IARS1: variants seen among roughly 807,000 people sequenced by gnomAD.
IARS1 encodes the protein isoleucine--tRNA ligase, cytoplasmic.
IARS1 carries 124 observed loss-of-function variants against 168.2 expected under a neutral mutation model. The observed-to-expected ratio is 0.74, with a 90% confidence interval of 0.64 to 0.86. The LOEUF is 0.86. Ranked by LOEUF, IARS1 falls within the 40% of genes least tolerant of loss-of-function variation. IARS1 has a pLI of 0.00. For synonymous variants in IARS1, 532 were observed against 529.4 expected, an observed-to-expected ratio of 1.00 and a Z score of -0.07; for missense variants, 1,452 against 1,515.8, an observed-to-expected ratio of 0.96 and a Z score of 0.70.
intron 26 of IARS1, among the ~76,000 whole-genome samples, 171 bp downstream of exon 26, chr9:92,247,206 G>C (rs1181720103): frequency 6.6e-6 from 1 of 151,944 alleles, no homozygotes; most frequent in Non-Finnish European, 1.5e-5. Context: ...AAAGAGAAGA[G>C]AGAAGAGAGA....
chr9:92,283,384 T>G (rs1019684359), intron 6 of IARS1, among the ~76,000 whole-genome samples: 9 of 152,178 alleles, frequency 5.9e-5, no homozygotes, highest in African/African-American at 2.2e-4. Flanking sequence ...CTCACGCCTG[T>G]AAAAATACCC....
In IARS1 at chr9:92,241,508, G is replaced by T. The variant is rs1828392605; in HGVS notation, c.3178-547C>A. ...TTACAGGCGTGTACCACCATGCCCA[G>T]CTAATTTTCGTATTTTTAGTAGAGA... On this transcript the variant is annotated intron_variant, in intron 29 of 33. Coordinates refer to ENST00000443024, the MANE Select transcript of IARS1 (RefSeq NM_002161.6). Among the ~76,000 whole-genome samples the T allele has an allele frequency of 6.6e-5, 10 of 152,230 alleles. No homozygotes were observed. The South Asian group carries it at 2.1e-3, about 32-fold the overall frequency.
At chr9:92,255,521 C>T (rs2133750934) in intron 20 of IARS1, among the ~76,000 whole-genome samples, 1 of 152,262 alleles carries the variant, frequency 6.6e-6, no homozygotes, top group Admixed American at 6.5e-5. Flanking sequence ...TGTAAAATTA[C>T]CCAACGAACT....
intron 10 of IARS1, 29 bp from the exon 11 acceptor site, chr9:92,271,684 T>C (rs1161882367): frequency 7.4e-6 from 12 of 1,612,680 alleles, no homozygotes; most frequent in Non-Finnish European, 7.6e-6. Context: ...GAGGGAAGAA[T>C]AAAACAGTCT....
In IARS1 at chr9:92,250,536, C is replaced by A. The variant is rs566460006; in HGVS notation, c.2429+177G>T. 1.1e-3 allele frequency among the ~76,000 whole-genome samples: 170 copies of A among 152,326 alleles called. No individual in the cohort carries two copies. The highest frequency in any genetic ancestry group is 3.8e-3 in the African/African-American group (160 of 41,560). ...TACAAAGGGGTTCCACACCAAGCAT[C>A]CTTGCTACCGTGTACCAAAGTGGGC... On this transcript the variant is annotated intron_variant, in intron 23 of 33. Transcript: ENST00000443024.
chr9:92,258,416 A>T (rs1200059198), intron 19 of IARS1, among the ~76,000 whole-genome samples: 2 of 152,298 alleles, frequency 1.3e-5, no homozygotes, highest in Admixed American at 6.5e-5. Flanking sequence ...CAACATGATG[A>T]AACCAAGTCT....
chr9:92,258,602 C>A (rs1587820088), intron 19 of IARS1, among the ~76,000 whole-genome samples: 1 of 121,590 alleles, frequency 8.2e-6, no homozygotes, highest in Non-Finnish European at 1.9e-5. Context: ...AAAACAAAAA[C>A]AACAACTGGC....
intron 5 of IARS1, 138 bp from the exon 6 acceptor site, chr9:92,285,977 G>T: frequency 1.7e-6 from 1 of 597,578 alleles, no homozygotes; most frequent in Non-Finnish European, 3.0e-6. Flanking sequence ...AGACTGGCTG[G>T]TAAATTATAA....
intron 12 of IARS1, among the ~76,000 whole-genome samples, chr9:92,270,195 A>G (rs1284792167): frequency 6.6e-6 from 1 of 152,236 alleles, no homozygotes; most frequent in Non-Finnish European, 1.5e-5. Flanking sequence ...CAAGAACAAG[A>G]GTAGAAAAAA....
At chr9:92,282,933 C>G (rs1834869510) in intron 6 of IARS1, among the ~76,000 whole-genome samples, 1 of 150,802 alleles carries the variant, frequency 6.6e-6, no homozygotes, top group Non-Finnish European at 1.5e-5. Flanking sequence ...CGGCTCACTG[C>G]AACCTCAACT....
chr9:92,280,743 TA>T lies in IARS1; in HGVS notation c.745+2del. The T allele has an allele frequency of 6.2e-7, 1 of 1,603,220 alleles. No homozygotes were observed. The highest frequency in any genetic ancestry group is 8.5e-7 in the Non-Finnish European group (1 of 1,173,870). On this transcript the variant is annotated splice_donor_variant, in intron 7 of 33. Transcript: ENST00000443024. LOFTEE classifies it high-confidence loss of function. ...AATCATAAGTAACCAGCCTCCCACT[TA>T]CCTTTAATTTTCACATATTGCATTT... is the stretch of plus-strand genomic sequence containing the variant.
At chr9:92,237,832 C>G (rs1332311320) in intron 30 of IARS1, among the ~76,000 whole-genome samples, 1 of 152,158 alleles carries the variant, frequency 6.6e-6, no homozygotes, top group Non-Finnish European at 1.5e-5. Flanking sequence ...TCACCTGTAT[C>G]ATTATATTAG....
intron 9 of IARS1, among the ~76,000 whole-genome samples, chr9:92,275,576 T>C (rs981432675): frequency 6.6e-6 from 1 of 152,206 alleles, no homozygotes; most frequent in African/African-American, 2.4e-5. Flanking sequence ...ACAGAATACA[T>C]GGGTCCTTAG....
At chr9:92,263,502 A>C (rs1441586880) in intron 16 of IARS1, among the ~76,000 whole-genome samples, 1 of 152,258 alleles carries the variant, frequency 6.6e-6, no homozygotes, top group African/African-American at 2.4e-5. Flanking sequence ...GTAAAATGTT[A>C]TGTACCTCAT....
chr9:92,212,429 A>G (rs1274681245), intron 33 of IARS1, among the ~76,000 whole-genome samples: 1 of 152,254 alleles, frequency 6.6e-6, no homozygotes, highest in Non-Finnish European at 1.5e-5. Flanking sequence ...AACGTCACAG[A>G]GTAAAGAGAA....
intron 10 of IARS1, among the ~76,000 whole-genome samples, chr9:92,273,708 C>A (rs576561619): frequency 5.9e-5 from 9 of 152,158 alleles, no homozygotes; most frequent in Admixed American, 5.9e-4. Flanking sequence ...GTAAAAAATC[C>A]CAGAGATTAA....
intron 24 of IARS1, 60 bp downstream of exon 24, chr9:92,250,127 A>C: frequency 2.6e-6 from 3 of 1,154,240 alleles, no homozygotes; most frequent in Non-Finnish European, 2.6e-6. Flanking sequence ...TTAAAAAAGC[A>C]TTCCAAACAC....
At chr9:92,255,617 G>T (rs1287861551) in intron 20 of IARS1, among the ~76,000 whole-genome samples, 1 of 152,108 alleles carries the variant, frequency 6.6e-6, no homozygotes, top group African/African-American at 2.4e-5. Flanking sequence ...GGAAAAGAAG[G>T]GGACTATTTA....
intron 30 of IARS1, among the ~76,000 whole-genome samples, chr9:92,234,276 T>C (rs1007598152): frequency 1.3e-5 from 2 of 152,204 alleles, no homozygotes; most frequent in African/African-American, 2.4e-5. Flanking sequence ...CCAAAGGGTA[T>C]AGAAAAAGGC....
Sources: gnomAD v4.1 joint callset for allele counts (sites outside exome capture counted in the v4.1 genomes callset) on GRCh38, gnomAD v4.1.1 for gene constraint, MANE v1.5 for transcripts, NCBI Gene and HGNC (gene_info 2026-07-23, HGNC 2026-07-21) for gene names.